The following LRRTM4 variants were observed in gnomAD, a reference collection of about 807,000 sequenced individuals.
LRRTM4 encodes leucine-rich repeat transmembrane neuronal protein 4.
A neutral mutation model predicts 47.6 loss-of-function variants in LRRTM4; 25 were observed. That is an observed-to-expected ratio of 0.53 (90% CI 0.38 to 0.73). The LOEUF (loss-of-function observed/expected upper bound fraction) is 0.73. Ranked by LOEUF, LRRTM4 falls within the 30% of genes least tolerant of loss-of-function variation. The probability of loss-of-function intolerance (pLI) is 0.00; values close to 1 mark genes in which losing one functional copy is unlikely to be tolerated. For synonymous variants in LRRTM4, 311 were observed against 269.5 expected (o/e 1.15, Z -1.51); for missense variants, 638 against 713.4 (o/e 0.89, Z 1.20).
chr2:76,959,240 A>T (rs896952750), intron 3 of LRRTM4, among the ~76,000 whole-genome samples: 15 of 151,708 alleles, frequency 9.9e-5, no homozygotes, highest in Admixed American at 4.6e-4. Flanking sequence ...AAACTATATT[A>T]TGTTTTCATC....
intron 3 of LRRTM4, among the ~76,000 whole-genome samples, chr2:77,442,167 G>C (rs1573419938): frequency 2.0e-5 from 3 of 152,086 alleles, no homozygotes; most frequent in African/African-American, 4.8e-5. Flanking sequence ...AAGTGCAAAG[G>C]GGTTTTAAAA....
At chr2:77,351,542 C>A (rs183545519) in intron 3 of LRRTM4, among the ~76,000 whole-genome samples, 6 of 150,530 alleles carry the variant, frequency 4.0e-5, no homozygotes, top group African/African-American at 1.5e-4. Context: ...GATTTGGAAA[C>A]ATTTCCATGA....
intron 3 of LRRTM4, among the ~76,000 whole-genome samples, chr2:76,912,956 T>A (rs2103785289): frequency 6.6e-6 from 1 of 152,294 alleles, no homozygotes; most frequent in South Asian, 2.1e-4. Flanking sequence ...AATTAACCAC[T>A]TTCATTCATA....
At chr2:76,879,607 C>A (rs1264919610) in intron 3 of LRRTM4, among the ~76,000 whole-genome samples, 1 of 152,170 alleles carries the variant, frequency 6.6e-6, no homozygotes, top group Non-Finnish European at 1.5e-5. Context: ...ACATTGTTTT[C>A]ATGCCTGTTA....
chr2:77,194,599 G>A (rs538152761), intron 3 of LRRTM4, among the ~76,000 whole-genome samples: 9 of 152,246 alleles, frequency 5.9e-5, no homozygotes, highest in African/African-American at 2.2e-4. Flanking sequence ...GAGCTTGCTG[G>A]TAAGTTACTG....
intron 3 of LRRTM4, among the ~76,000 whole-genome samples, chr2:77,217,468 T>TATAC (rs1338917871): frequency 3.0e-5 from 4 of 134,228 alleles, no homozygotes; most frequent in South Asian, 2.3e-4. Flanking sequence ...TATATATATA[T>TATAC]ACTAAGCCTT....
chr2:77,514,861 C>T (rs950713341), intron 3 of LRRTM4, among the ~76,000 whole-genome samples: 1 of 151,812 alleles, frequency 6.6e-6, no homozygotes, highest in Non-Finnish European at 1.5e-5. Context: ...TTGTTCTTTA[C>T]AATTTCGAAG....
intron 3 of LRRTM4, among the ~76,000 whole-genome samples, chr2:76,846,545 TTA>T (rs1329136168): frequency 6.6e-6 from 1 of 152,190 alleles, no homozygotes; most frequent in Admixed American, 6.5e-5. Context: ...TATCTATCTT[TTA>T]TCTACCATAA....
At chr2:77,036,769 C>T (rs1477791337) in intron 3 of LRRTM4, among the ~76,000 whole-genome samples, 1 of 151,632 alleles carries the variant, frequency 6.6e-6, no homozygotes, top group Admixed American at 6.6e-5. Context: ...AAAGAAGAGT[C>T]TTTTCCAGTT....
intron 3 of LRRTM4, among the ~76,000 whole-genome samples, chr2:76,935,961 G>A (rs996585126): frequency 6.6e-6 from 1 of 152,122 alleles, no homozygotes; most frequent in Non-Finnish European, 1.5e-5. Flanking sequence ...GATACAGTGT[G>A]ATATTGGCTA....
At chr2:76,802,523 C>T (rs1023569864) in intron 3 of LRRTM4, among the ~76,000 whole-genome samples, 9 of 151,864 alleles carry the variant, frequency 5.9e-5, no homozygotes, top group Admixed American at 1.3e-4. Context: ...GAATGGAAAC[C>T]GGAAAAATGT....
chr2:77,187,575 G>T (rs560188284), intron 3 of LRRTM4, among the ~76,000 whole-genome samples: 7 of 151,918 alleles, frequency 4.6e-5, no homozygotes, highest in African/African-American at 1.7e-4. Context: ...GTATACATAT[G>T]TAACAAACCT....
chr2:76,890,050 A>G (rs1673202557), intron 3 of LRRTM4, among the ~76,000 whole-genome samples: 1 of 152,012 alleles, frequency 6.6e-6, no homozygotes, highest in African/African-American at 2.4e-5. Flanking sequence ...TTTGGAAATG[A>G]ATGTCCCATC....
At chr2:76,801,291 T>G (rs1440602789) in intron 3 of LRRTM4, among the ~76,000 whole-genome samples, 1 of 151,860 alleles carries the variant, frequency 6.6e-6, no homozygotes, top group Non-Finnish European at 1.5e-5. Flanking sequence ...TAGACTGGAT[T>G]AAGAAAATGT....
At chr2:77,068,850 TGG>T (rs1409241353) in intron 3 of LRRTM4, among the ~76,000 whole-genome samples, 1 of 152,184 alleles carries the variant, frequency 6.6e-6, no homozygotes, top group East Asian at 1.9e-4. Flanking sequence ...TGGAAGGTTG[TGG>T]GTTTACCGGA....
chr2:76,993,800 C>A (rs1311251328), intron 3 of LRRTM4, among the ~76,000 whole-genome samples: 1 of 151,884 alleles, frequency 6.6e-6, no homozygotes, highest in Non-Finnish European at 1.5e-5. Context: ...AAGACACACG[C>A]CCTTGTAAGT....
At chr2:76,958,459 T>G (rs764444934) in intron 3 of LRRTM4, among the ~76,000 whole-genome samples, 1 of 151,790 alleles carries the variant, frequency 6.6e-6, no homozygotes, top group Non-Finnish European at 1.5e-5. Context: ...CTGATATTGC[T>G]GAATGTTCCA....
intron 3 of LRRTM4, among the ~76,000 whole-genome samples, chr2:77,133,714 G>A (rs1202475987): frequency 2.6e-5 from 4 of 152,128 alleles, no homozygotes; most frequent in Non-Finnish European, 5.9e-5. Flanking sequence ...CTGGTTCTGA[G>A]AGTTTCATGA....
At chr2:76,900,768 AATC>A (rs1398761917) in intron 3 of LRRTM4, among the ~76,000 whole-genome samples, 2 of 152,332 alleles carry the variant, frequency 1.3e-5, no homozygotes, top group African/African-American at 4.8e-5. Context: ...CACTGAAATT[AATC>A]ATCTTCACAA....
Sources: allele counts gnomAD v4.1 joint callset (sites outside exome capture counted in the v4.1 genomes callset), GRCh38; gene constraint gnomAD v4.1.1; transcripts MANE v1.5; gene names NCBI Gene and HGNC (gene_info 2026-07-23, HGNC 2026-07-21).